Variants in TYMS observed in about 807,000 individuals in gnomAD.
The protein encoded by TYMS is thymidylate synthetase, also known as thymidylate synthase.
A neutral mutation model predicts 39.3 loss-of-function variants in TYMS; 21 were observed. That is an observed-to-expected ratio of 0.54 (90% CI 0.38 to 0.77). The LOEUF (loss-of-function observed/expected upper bound fraction) is 0.77. Among genes scored for constraint, TYMS ranks in the 30% least tolerant of loss-of-function variants. The pLI, the probability that TYMS is intolerant of heterozygous loss-of-function variation, is 0.00. For synonymous variants in TYMS, 171 were observed against 162.2 expected (o/e 1.05, Z -0.41); for missense variants, 273 against 406.7 (o/e 0.67, Z 2.83).
Position 657,961 on chromosome 18 carries a change from C to T in TYMS, c.205+14C>T, listed in dbSNP as rs762807813. 4.6e-6 allele frequency: 7 copies of T among 1,506,880 alleles called. No homozygotes were observed. The Admixed American group carries it at 9.1e-5, about 20-fold the overall frequency. 93.3% of individuals were successfully genotyped at this position (1,506,880 alleles called of 1,614,324 possible). On this transcript the variant is annotated intron_variant, in intron 1 of 6. Transcript: ENST00000323274. ...ACAGCCTGAGAGGTGACGCCGCGGG[C>T]CCCTGCGGGACGGGTGGCGGGAAGG... is the stretch of plus-strand genomic sequence containing the variant.
intron 4 of TYMS, chr18:670,224 C>T (rs1332530260): frequency 6.5e-6 from 1 of 153,534 alleles, no homozygotes; most frequent in Non-Finnish European, 1.4e-5. Context: ...CGGGGTTTCA[C>T]TATGTTGGCC....
chr18:658,138 C>T lies in TYMS; in HGVS notation c.205+191C>T, dbSNP rs1394041513. On this transcript the variant is annotated intron_variant, in intron 1 of 6. Coordinates refer to ENST00000323274, the MANE Select transcript of TYMS (RefSeq NM_001071.4). The surrounding 1 kb of genome is among the most constrained non-coding windows in gnomAD (Gnocchi z 4.5). ...GGTCCCATTAGGGACGTGACTGGCG[C>T]GGGCAACACACACAGCAGCGACAGC... 6.3e-7 allele frequency: 1 copy of T among 1,586,190 alleles called. No homozygotes were observed. The highest frequency in any genetic ancestry group is 8.6e-7 in the Non-Finnish European group (1 of 1,169,484).
At chr18:670,396 T>G in intron 4 of TYMS, 1 of 301,970 alleles carries the variant, frequency 3.3e-6, no homozygotes, top group South Asian at 6.3e-5. Flanking sequence ...ACAGAATTAT[T>G]CCTGCTGTAT....
rs1567989278 is a variant in TYMS at position 666,899 on chromosome 18, ATGGAGATGGT to A, written c.455-2172_455-2163del. Reference sequence around the variant, plus strand: ...TGACGAAAAAGTTCGGGAGATGGTGATGGAGATGGTGATGGTGATGGAGATGGTGATGGTG... The same window carrying A: ...TGACGAAAAAGTTCGGGAGATGGTGAGATGGTGATGGAGATGGTGATGGTG... On this transcript the variant is annotated intron_variant, in intron 3 of 6. Transcript: ENST00000323274. Among the ~76,000 whole-genome samples the A allele has an allele frequency of 1.1e-3, 63 of 56,418 alleles. 7 individuals carry two copies. Among genetic ancestry groups the A allele is most frequent in the African/African-American group, 3.9e-3 (47 of 12,172 alleles). The allele number at this position is 56,418 out of a possible 152,430, so 37.0% of individuals were successfully genotyped here. A position where few individuals can be genotyped will look rare whatever the true frequency, so the allele number is the denominator to read the frequency against.
Position 671,442 on chromosome 18 carries a change from G to A in TYMS, c.795G>A (p.Leu265=), listed in dbSNP as rs549187782. ...TTTACCTGAATCACATCGAGCCACT[G>A]AAAATTCAGGTAAGAATTAGATGTT... The part of the protein sequence containing the change: ...AHIYLNHIEP[L]KIQLQREPRP... Residue 265 remains leucine (L), a synonymous_variant, in exon 6 of 7, where the codon CTG becomes CTA. Coordinates refer to ENST00000323274, the MANE Select transcript of TYMS (RefSeq NM_001071.4). The A allele has an allele frequency of 1.4e-5, 23 of 1,608,162 alleles. No homozygotes were observed. The African/African-American group carries it at 2.4e-4, about 17-fold the overall frequency.
At chr18:661,687 T>A (rs1158786776) in intron 2 of TYMS, among the ~76,000 whole-genome samples, 1 of 152,218 alleles carries the variant, frequency 6.6e-6, no homozygotes, top group Non-Finnish European at 1.5e-5. Context: ...ACCAGCCTAC[T>A]TAAAGATAGG....
Position 658,190 on chromosome 18 carries a change from T to A in TYMS, c.205+243T>A. The A allele has an allele frequency of 6.5e-7, 1 of 1,544,312 alleles. No individual in the cohort carries two copies. Among genetic ancestry groups the A allele is most frequent in the Non-Finnish European group, 8.7e-7 (1 of 1,143,066 alleles). On this transcript the variant is annotated intron_variant, in intron 1 of 6. Coordinates refer to ENST00000323274, the MANE Select transcript of TYMS (RefSeq NM_001071.4). The surrounding 1 kb of genome is among the most constrained non-coding windows in gnomAD (Gnocchi z 4.5). ...GGGAGGTAAGCCGCGTCCCAGCGGCTCCGCGGCCGGGCTCGCAGTCGCCCC... is the reference window on the plus strand; with the variant it reads ...GGGAGGTAAGCCGCGTCCCAGCGGCACCGCGGCCGGGCTCGCAGTCGCCCC...
rs1395944398 is a variant in TYMS at position 658,047 on chromosome 18, C to T, written c.205+100C>T. ...CCGGGCGCTGCGGACCCCGTTTAGT[C>T]CTAACCTCAATCCTGCGAGGGAGGG... On this transcript the variant is annotated intron_variant, in intron 1 of 6. Transcript: ENST00000323274. The surrounding 1 kb of genome is among the most constrained non-coding windows in gnomAD (Gnocchi z 4.5). The T allele has an allele frequency of 6.4e-7, 1 of 1,566,458 alleles. No homozygotes were observed. Among genetic ancestry groups the T allele is most frequent in the South Asian group, 1.2e-5 (1 of 85,312 alleles).
At chr18:669,366 A>ATTT (rs68090938) in intron 4 of TYMS, 193 bp downstream of exon 4, 2,712 of 191,814 alleles carry the variant, frequency 0.014, 42 homozygotes, top group African/African-American at 0.031. Flanking sequence ...GGCCCAGAGG[A>ATTT]TTTTTTTTTT....
intron 3 of TYMS, among the ~76,000 whole-genome samples, chr18:664,772 T>C (rs1017838075): frequency 6.6e-6 from 1 of 150,528 alleles, no homozygotes; most frequent in Non-Finnish European, 1.5e-5. Flanking sequence ...TCTATTGAGA[T>C]AATCATGTGG....
At chr18:671,526 C>T in intron 6 of TYMS, 75 bp downstream of exon 6, 1 of 927,266 alleles carries the variant, frequency 1.1e-6, no homozygotes, top group Non-Finnish European at 1.8e-6. Flanking sequence ...CAGGCATCTG[C>T]TCAATGCTGT....
rs2074920516 is a variant in TYMS, at chr18:668,945, G to A, written c.455-127G>A. On this transcript the variant is annotated intron_variant, in intron 3 of 6. Transcript: ENST00000323274. Reference sequence around the variant, plus strand: ...TCTGCAAACTTTGCAGGATGCACCAGATGTCTTGTAGCCATGGGTCAAGGG... The same window carrying A: ...TCTGCAAACTTTGCAGGATGCACCAAATGTCTTGTAGCCATGGGTCAAGGG... 11 of 672,198 alleles carry A rather than the reference G, an allele frequency of 1.6e-5. No homozygotes were observed. In the South Asian group the frequency reaches 2.1e-4, roughly 13 times the overall value. The allele number at this position is 672,198 out of a possible 1,614,324, so 41.6% of individuals were successfully genotyped here.
intron 3 of TYMS, among the ~76,000 whole-genome samples, chr18:667,257 T>A (rs172296): frequency 9.5e-4 from 20 of 21,092 alleles, no homozygotes; most frequent in Admixed American, 1.2e-3. Context: ...ATGGTGATGG[T>A]GATGGAGATG....
Position 666,909 on chromosome 18 carries a change from T to TGATGGAGATGGA in TYMS, c.455-2158_455-2157insAGATGGAGATGG, listed in dbSNP as rs1290842892. Among the ~76,000 whole-genome samples the TGATGGAGATGGA allele has an allele frequency of 4.8e-5, 2 of 41,492 alleles. 1 individual carries two copies. Among genetic ancestry groups the TGATGGAGATGGA allele is most frequent in the Non-Finnish European group, 1.0e-4 (2 of 19,396 alleles). The allele number at this position is 41,492 out of a possible 152,430, so 27.2% of individuals were successfully genotyped here. A position where few individuals can be genotyped will look rare whatever the true frequency, so the allele number is the denominator to read the frequency against. ...GTTCGGGAGATGGTGATGGAGATGG[T>TGATGGAGATGGA]GATGGTGATGGAGATGGTGATGGTG... On this transcript the variant is annotated intron_variant, in intron 3 of 6. Coordinates refer to ENST00000323274, the MANE Select transcript of TYMS (RefSeq NM_001071.4).
Position 657,823 on chromosome 18 carries a change from G to C in TYMS, c.81G>C (p.Pro27=). ...AGCGGGACGCCGAGCCGCGTCCGCC[G>C]CACGGGGAGCTGCAGTACCTGGGGC... ...AQERDAEPRP[P]HGELQYLGQI... Residue 27 remains proline, a synonymous_variant, in exon 1 of 7, where the codon CCG becomes CCC. Transcript: ENST00000323274. 6.8e-7 allele frequency: 1 copy of C among 1,468,314 alleles called. No individual in the cohort carries two copies. Among genetic ancestry groups the C allele is most frequent in the South Asian group, 1.4e-5 (1 of 70,424 alleles). 91.0% of individuals were successfully genotyped at this position (1,468,314 alleles called of 1,614,324 possible).
At chr18:671,977 A>G (rs60279109) in intron 6 of TYMS, 60,930 of 153,790 alleles carry the variant, frequency 0.4, 13,188 homozygotes, top group East Asian at 0.69. Flanking sequence ...ATGGGGTTTC[A>G]TCATGTTGGC....
chr18:670,621 G>A lies in TYMS; in HGVS notation c.557-71G>A. On this transcript the variant is annotated intron_variant, in intron 4 of 6. Coordinates refer to ENST00000323274, the MANE Select transcript of TYMS (RefSeq NM_001071.4). ...ATGAGTTGGCTTCTGTTTCTCTCCT[G>A]TTTTACTTTGCCTTTAGCTGTGGTC... 3.2e-6 allele frequency: 5 copies of A among 1,549,040 alleles called. No individual in the cohort carries two copies. In the Admixed American group the frequency reaches 8.8e-5, roughly 27 times the overall value.
At chr18:659,216 A>C (rs2074730028) in intron 1 of TYMS, among the ~76,000 whole-genome samples, 1 of 152,154 alleles carries the variant, frequency 6.6e-6, no homozygotes, top group Non-Finnish European at 1.5e-5. Flanking sequence ...ACTGCATTTA[A>C]AGATAAGTTT....
At chr18:669,945 G>A (rs973021530) in intron 4 of TYMS, among the ~76,000 whole-genome samples, 10 of 151,686 alleles carry the variant, frequency 6.6e-5, no homozygotes, top group African/African-American at 2.2e-4. Flanking sequence ...CTGGGCAACA[G>A]AGTGAGACCC....
Sources: allele counts gnomAD v4.1 joint callset (sites outside exome capture counted in the v4.1 genomes callset), GRCh38; gene constraint gnomAD v4.1.1; non-coding constraint Gnocchi (gnomAD v3.1); transcripts MANE v1.5; gene names NCBI Gene and HGNC (gene_info 2026-07-23, HGNC 2026-07-21).